RTKN2: variants seen among roughly 807,000 people sequenced by gnomAD.
The protein encoded by RTKN2 is rhotekin 2, also known as rhotekin-2.
Under a neutral mutation model 71.5 loss-of-function variants are expected in RTKN2, and 69 were observed. The observed-to-expected ratio is 0.96, with a 90% CI of 0.79 to 1.18. The LOEUF (loss-of-function observed/expected upper bound fraction) is 1.18. Ranked by LOEUF, RTKN2 falls within the 50% of genes most tolerant of loss-of-function variation. The pLI is 0.00. For missense variants in RTKN2, 724 were observed against 719.7 expected, an observed-to-expected ratio of 1.01 and a Z score of -0.07; for synonymous variants, 236 against 236.5, an observed-to-expected ratio of 1.00 and a Z score of 0.02.
At chr10:62,192,547 A>G (rs1282209408), downstream of RTKN2, among the ~76,000 whole-genome samples, 1 of 152,222 alleles carries the variant, frequency 6.6e-6, no homozygotes, top group Non-Finnish European at 1.5e-5. Context: ...CAAAAGGGAA[A>G]TTATCGTGGT....
intron 8 of RTKN2, among the ~76,000 whole-genome samples, chr10:62,187,769 C>A (rs1045732976): frequency 1.1e-4 from 17 of 152,280 alleles, no homozygotes; most frequent in Admixed American, 6.5e-4. Flanking sequence ...TTACAGGCTG[C>A]TTTTCTTCTT....
intron 2 of RTKN2, among the ~76,000 whole-genome samples, chr10:62,248,705 C>T (rs942770748): frequency 6.6e-6 from 1 of 152,004 alleles, no homozygotes; most frequent in Non-Finnish European, 1.5e-5. Context: ...AATAAAATGA[C>T]CAAAAGAGGG....
At chr10:62,222,180 CT>C (rs1841923539) in intron 7 of RTKN2, among the ~76,000 whole-genome samples, 3 of 152,242 alleles carry the variant, frequency 2.0e-5, no homozygotes, top group African/African-American at 7.2e-5. Context: ...ACAATCATAC[CT>C]CACTGCAGCC....
chr10:62,266,465 A>G (rs1381111253), intron 1 of RTKN2, among the ~76,000 whole-genome samples: 1 of 152,208 alleles, frequency 6.6e-6, no homozygotes, highest in Non-Finnish European at 1.5e-5. Context: ...TTGCTAAAAG[A>G]AACTGTGTGG....
At chr10:62,264,097 T>G (rs921241100) in intron 1 of RTKN2, among the ~76,000 whole-genome samples, 4 of 152,186 alleles carry the variant, frequency 2.6e-5, no homozygotes, top group African/African-American at 9.7e-5. Context: ...ATAATTTACC[T>G]TCTGAATGGA....
chr10:62,259,423 A>G (rs1252677002), intron 2 of RTKN2, among the ~76,000 whole-genome samples: 3 of 152,238 alleles, frequency 2.0e-5, no homozygotes, highest in Non-Finnish European at 4.4e-5. Flanking sequence ...AGAACTCTGT[A>G]GCATTCCAGG....
chr10:62,199,255 G>A (rs922094027), intron 11 of RTKN2, among the ~76,000 whole-genome samples: 2 of 152,186 alleles, frequency 1.3e-5, no homozygotes, highest in Non-Finnish European at 2.9e-5. Context: ...CCTTCAAGGT[G>A]TGGGAAATTG....
At position 62,194,093 on chromosome 10, in the gene RTKN2, A is replaced by G. The variant is rs1841276058; in HGVS notation, c.*3815T>C. Reference sequence around the variant, plus strand: ...TTGGTACTTTAAAAAATGTATGTCCATGATATAATACTTTTTAATCCAAAA... The same window carrying G: ...TTGGTACTTTAAAAAATGTATGTCCGTGATATAATACTTTTTAATCCAAAA... On this transcript the variant is annotated 3_prime_UTR_variant, in exon 12 of 12. Transcript: ENST00000373789. The G allele has an allele frequency of 3.1e-6, 3 of 981,386 alleles. No individual in the cohort carries two copies. Among genetic ancestry groups the G allele is most frequent in the Non-Finnish European group, 3.6e-6 (3 of 826,220 alleles). 60.8% of individuals were successfully genotyped at this position (981,386 alleles called of 1,614,324 possible).
intron 7 of RTKN2, among the ~76,000 whole-genome samples, chr10:62,218,752 G>A (rs1281424286): frequency 3.3e-5 from 5 of 152,108 alleles, no homozygotes; most frequent in Admixed American, 6.6e-5. Flanking sequence ...TTGCGAGGCC[G>A]AGGCAGGCGG....
chr10:62,196,267 G>GA lies in RTKN2; in HGVS notation c.*1640dup. The GA allele has an allele frequency of 2.0e-6, 2 of 976,484 alleles. No homozygotes were observed. The highest frequency in any genetic ancestry group is 9.5e-5 in the South Asian group (2 of 21,088). 60.5% of individuals were successfully genotyped at this position (976,484 alleles called of 1,614,324 possible). A position where few individuals can be genotyped will look rare whatever the true frequency, so the allele number is the denominator to read the frequency against. ...GAAACTTATGAGAGCCTTCTAGTTA[G>GA]AAAAAATAAGTTTACTTTTTAAGGT... On this transcript the variant is annotated 3_prime_UTR_variant, in exon 12 of 12. Coordinates refer to ENST00000373789, the MANE Select transcript of RTKN2 (RefSeq NM_145307.4).
At chr10:62,202,192 A>G (rs994488625) in intron 10 of RTKN2, among the ~76,000 whole-genome samples, 1 of 152,190 alleles carries the variant, frequency 6.6e-6, no homozygotes, top group African/African-American at 2.4e-5. Context: ...AATGTTAAAA[A>G]TAGCTATTAC....
chr10:62,240,128 G>A (rs761662514), intron 4 of RTKN2, among the ~76,000 whole-genome samples: 2 of 151,762 alleles, frequency 1.3e-5, no homozygotes, highest in Non-Finnish European at 2.9e-5. Flanking sequence ...TACTACTACC[G>A]CTGTCATTTT....
At chr10:62,261,191 A>C (rs923369931) in intron 2 of RTKN2, among the ~76,000 whole-genome samples, 2 of 152,256 alleles carry the variant, frequency 1.3e-5, no homozygotes, top group African/African-American at 2.4e-5. Context: ...TCATTGTATA[A>C]TGCTGGAGGC....
In RTKN2 at chr10:62,193,467, G is replaced by T. The variant is rs1335567690; in HGVS notation, c.*4441C>A. Reference sequence around the variant, plus strand: ...TCTGTAACTTTTTTTGTTGTTAATTGAATGTAAAGGTAGTTTGTTTCTCTA... The same window carrying T: ...TCTGTAACTTTTTTTGTTGTTAATTTAATGTAAAGGTAGTTTGTTTCTCTA... On this transcript the variant is annotated 3_prime_UTR_variant, in exon 12 of 12. Coordinates refer to ENST00000373789, the MANE Select transcript of RTKN2 (RefSeq NM_145307.4). 1 of 982,232 alleles carries T rather than the reference G, an allele frequency of 1.0e-6. No homozygotes were observed. Among genetic ancestry groups the T allele is most frequent in the Non-Finnish European group, 1.2e-6 (1 of 827,144 alleles). 60.8% of individuals were successfully genotyped at this position (982,232 alleles called of 1,614,324 possible). A position where few individuals can be genotyped will look rare whatever the true frequency, so the allele number is the denominator to read the frequency against.
intron 8 of RTKN2, among the ~76,000 whole-genome samples, chr10:62,187,732 G>A (rs930804125): frequency 1.6e-4 from 25 of 152,048 alleles, no homozygotes; most frequent in Admixed American, 1.3e-4. Flanking sequence ...CTGTGCCCTC[G>A]GTGAACTTAA....
At chr10:62,249,650 T>G (rs1842543464) in intron 2 of RTKN2, among the ~76,000 whole-genome samples, 1 of 152,218 alleles carries the variant, frequency 6.6e-6, no homozygotes, top group South Asian at 2.1e-4. Flanking sequence ...TGGATTTTAC[T>G]CATTATTAAC....
chr10:62,204,546 T>G (rs907544976), intron 10 of RTKN2, among the ~76,000 whole-genome samples: 2 of 152,156 alleles, frequency 1.3e-5, no homozygotes, highest in Non-Finnish European at 2.9e-5. Flanking sequence ...ATCCCTTGGA[T>G]CAAACACATT....
intron 2 of RTKN2, among the ~76,000 whole-genome samples, chr10:62,261,575 C>A (rs113814938): frequency 2.6e-5 from 4 of 152,034 alleles, no homozygotes; most frequent in African/African-American, 9.7e-5. Context: ...CGCTTGAACC[C>A]GGGAGGCAGA....
At chr10:62,200,296 G>A (rs530440372) in intron 10 of RTKN2, among the ~76,000 whole-genome samples, 1 of 131,446 alleles carries the variant, frequency 7.6e-6, no homozygotes, top group East Asian at 2.5e-4. Context: ...TTGGGAGGCA[G>A]AGGTTACAAT....
Sources: gnomAD v4.1 joint callset for allele counts (sites outside exome capture counted in the v4.1 genomes callset) on GRCh38, gnomAD v4.1.1 for gene constraint, MANE v1.5 for transcripts, NCBI Gene and HGNC (gene_info 2026-07-23, HGNC 2026-07-21) for gene names.